The following SDK1 variants were observed in gnomAD, a reference collection of about 807,000 sequenced individuals.
SDK1 encodes the protein protein sidekick-1.
A neutral mutation model predicts 245.5 loss-of-function variants in SDK1; 157 were observed. The ratio of observed to expected loss-of-function variants is 0.64; its 90% CI spans 0.56 to 0.73. SDK1 has a LOEUF of 0.73. Among genes scored for constraint, SDK1 ranks in the 30% least tolerant of loss-of-function variants. The pLI, the probability that SDK1 is intolerant of heterozygous loss-of-function variation, is 0.00. For synonymous variants in SDK1, 1,647 were observed against 1,278.5 expected (o/e 1.29, Z -6.15); for missense variants, 3,583 against 3,002.3 (o/e 1.19, Z -4.52).
At chr7:3,519,124 A>G (rs1226524969) in intron 1 of SDK1, among the ~76,000 whole-genome samples, 1 of 152,120 alleles carries the variant, frequency 6.6e-6, no homozygotes, top group East Asian at 1.9e-4. Flanking sequence ...AAAGTAGAAC[A>G]GAGAATAGGA....
chr7:3,906,095 A>G (rs1447545088), intron 5 of SDK1, among the ~76,000 whole-genome samples: 2 of 151,896 alleles, frequency 1.3e-5, no homozygotes, highest in Non-Finnish European at 2.9e-5. Context: ...AACTTTCCTC[A>G]ATCTCTTTTT....
At chr7:3,717,322 A>G (rs979576972) in intron 4 of SDK1, among the ~76,000 whole-genome samples, 11 of 152,246 alleles carry the variant, frequency 7.2e-5, no homozygotes, top group Admixed American at 2.6e-4. Context: ...TGGATATTAA[A>G]CAACTTCTAA....
At chr7:3,787,772 A>C (rs1319147610) in intron 4 of SDK1, among the ~76,000 whole-genome samples, 4 of 152,176 alleles carry the variant, frequency 2.6e-5, no homozygotes, top group Non-Finnish European at 5.9e-5. Context: ...GAAGTGTAGC[A>C]AGTCAACTCT....
At chr7:4,118,618 C>T in intron 25 of SDK1, among the ~76,000 whole-genome samples, 1 of 123,728 alleles carries the variant, frequency 8.1e-6, no homozygotes, top group African/African-American at 2.8e-5. Flanking sequence ...TACACAAAAT[C>T]TTGCACATAA....
chr7:4,096,430 T>C (rs1052131537), intron 22 of SDK1, among the ~76,000 whole-genome samples: 1 of 152,048 alleles, frequency 6.6e-6, no homozygotes, highest in Admixed American at 6.5e-5. Flanking sequence ...GGATGGTCAC[T>C]GAGAGCTGGC....
intron 42 of SDK1, among the ~76,000 whole-genome samples, chr7:4,239,656 C>T (rs1056122600): frequency 1.3e-5 from 2 of 152,180 alleles, no homozygotes; most frequent in Non-Finnish European, 2.9e-5. Context: ...GAGCCACGCA[C>T]GGCGCCCGGC....
intron 1 of SDK1, among the ~76,000 whole-genome samples, chr7:3,362,343 A>G (rs1780975768): frequency 6.6e-6 from 1 of 152,112 alleles, no homozygotes; most frequent in African/African-American, 2.4e-5. Flanking sequence ...CTTGGAGAGG[A>G]TTTATCTAAC....
intron 5 of SDK1, among the ~76,000 whole-genome samples, chr7:3,886,357 T>C (rs901117836): frequency 1.3e-5 from 2 of 152,234 alleles, no homozygotes; most frequent in African/African-American, 4.8e-5. Flanking sequence ...CAGCATGCGC[T>C]GTACGGCTGT....
rs371828378 is a variant in SDK1 at position 4,268,711 on chromosome 7, G to A, written c.*3327G>A. The A allele has an allele frequency of 1.6e-5, 22 of 1,367,720 alleles. No individual in the cohort carries two copies. Among genetic ancestry groups the A allele is most frequent in the African/African-American group, 1.0e-4 (7 of 67,722 alleles). 84.7% of individuals were successfully genotyped at this position (1,367,720 alleles called of 1,614,324 possible). A position where few individuals can be genotyped will look rare whatever the true frequency, so the allele number is the denominator to read the frequency against. On this transcript the variant is annotated 3_prime_UTR_variant, in exon 45 of 45. Coordinates refer to ENST00000404826, the MANE Select transcript of SDK1 (RefSeq NM_152744.4). ...TCCTCCTGACGAGCAACCCGTCTGC[G>A]TACCTAAGTGTGGCTCCCCGTGGGT... is the stretch of plus-strand genomic sequence containing the variant.
At chr7:3,788,625 C>G (rs999541390) in intron 4 of SDK1, among the ~76,000 whole-genome samples, 1 of 152,032 alleles carries the variant, frequency 6.6e-6, no homozygotes, top group Non-Finnish European at 1.5e-5. Flanking sequence ...TGTCTTGGGC[C>G]CCACATAAAA....
intron 5 of SDK1, among the ~76,000 whole-genome samples, chr7:3,921,214 T>G (rs891298953): frequency 2.0e-5 from 3 of 152,236 alleles, no homozygotes; most frequent in African/African-American, 4.8e-5. Flanking sequence ...AAATACATTT[T>G]TTAGCAAAAT....
intron 4 of SDK1, among the ~76,000 whole-genome samples, chr7:3,776,164 G>A (rs563855442): frequency 3.9e-5 from 6 of 152,358 alleles, no homozygotes; most frequent in Non-Finnish European, 7.3e-5. Context: ...ATGACTGAGT[G>A]TAAGTTAATG....
intron 4 of SDK1, among the ~76,000 whole-genome samples, chr7:3,669,680 T>C (rs1023163872): frequency 1.3e-5 from 2 of 152,176 alleles, no homozygotes; most frequent in African/African-American, 2.4e-5. Context: ...CTTAGGTAAG[T>C]TCATCCAAGC....
intron 4 of SDK1, among the ~76,000 whole-genome samples, chr7:3,664,739 C>CAAA (rs3083410): frequency 2.8e-4 from 34 of 123,564 alleles, no homozygotes; most frequent in Admixed American, 4.7e-4. Flanking sequence ...GACTCTGTCT[C>CAAA]AAAAAAAAAA....
chr7:3,946,730 C>T (rs1780592144), intron 5 of SDK1, among the ~76,000 whole-genome samples: 1 of 152,172 alleles, frequency 6.6e-6, no homozygotes, highest in Non-Finnish European at 1.5e-5. Context: ...CAGTGAGGTC[C>T]AGGGAACGGC....
intron 1 of SDK1, among the ~76,000 whole-genome samples, chr7:3,533,644 T>C (rs1396383284): frequency 6.6e-6 from 1 of 152,198 alleles, no homozygotes; most frequent in Non-Finnish European, 1.5e-5. Flanking sequence ...TTTTTTGGTA[T>C]TATTTCTTTG....
At chr7:3,432,124 A>AT (rs199532876) in intron 1 of SDK1, among the ~76,000 whole-genome samples, 74,610 of 146,726 alleles carry the variant, frequency 0.51, 19,644 homozygotes, top group South Asian at 0.65. Flanking sequence ...AAAAAAAAAA[A>AT]ATATATATAT....
At chr7:3,985,608 G>A (rs1430232220) in intron 13 of SDK1, among the ~76,000 whole-genome samples, 1 of 152,204 alleles carries the variant, frequency 6.6e-6, no homozygotes. Context: ...GGACAGTATA[G>A]TGAGGCCCTG....
rs565111012 is a variant in SDK1 at position 4,154,897 on chromosome 7, C to T, written c.4626-3551C>T. On this transcript the variant is annotated intron_variant, in intron 30 of 44. Transcript: ENST00000404826. Reference sequence around the variant, plus strand: ...TTCTTGCATCCTGTGTGCATTTGTCCCTTTATCATGGAGTCACCAAAATCC... The same window carrying T: ...TTCTTGCATCCTGTGTGCATTTGTCTCTTTATCATGGAGTCACCAAAATCC... Among the ~76,000 whole-genome samples the T allele has an allele frequency of 2.6e-5, 4 of 151,928 alleles. No individual in the cohort carries two copies. In the East Asian group the frequency reaches 7.8e-4, roughly 30 times the overall value.
Sources: allele counts gnomAD v4.1 joint callset (sites outside exome capture counted in the v4.1 genomes callset), GRCh38; gene constraint gnomAD v4.1.1; transcripts MANE v1.5; gene names NCBI Gene and HGNC (gene_info 2026-07-23, HGNC 2026-07-21).